Variants in SKOR2 observed in about 807,000 individuals in gnomAD.
SKOR2 encodes the protein SKI family transcriptional corepressor 2, also known as LBX1 corepressor 1-like protein.
A neutral mutation model predicts 69.1 loss-of-function variants in SKOR2; 47 were observed. That is an observed-to-expected ratio of 0.68 (90% CI 0.54 to 0.87). The LOEUF is 0.87. Among genes scored for constraint, SKOR2 ranks in the 40% least tolerant of loss-of-function variants. SKOR2 has a pLI of 0.00. For missense variants in SKOR2, 1,404 were observed against 1,472.2 expected, an observed-to-expected ratio of 0.95 and a Z score of 0.76; for synonymous variants, 717 against 672.6, an observed-to-expected ratio of 1.07 and a Z score of -1.02.
intron 6 of SKOR2, among the ~76,000 whole-genome samples, chr18:47,220,623 AGAG>A (rs2064158437): frequency 6.6e-6 from 1 of 152,204 alleles, no homozygotes; most frequent in South Asian, 2.1e-4. Context: ...TCTGAGAAGA[AGAG>A]AACTTTAAGA....
At chr18:47,221,516 C>T (rs1568084564) in intron 6 of SKOR2, among the ~76,000 whole-genome samples, 1 of 152,196 alleles carries the variant, frequency 6.6e-6, no homozygotes, top group Non-Finnish European at 1.5e-5. Context: ...CTCCAGTCCT[C>T]AACTATGCAT....
intron 6 of SKOR2, among the ~76,000 whole-genome samples, chr18:47,220,697 GA>G (rs1316846461): frequency 1.3e-5 from 2 of 152,082 alleles, no homozygotes; most frequent in Non-Finnish European, 2.9e-5. Context: ...TTGCATTAGG[GA>G]AAAAATGACT....
At chr18:47,223,469 C>T in intron 6 of SKOR2, among the ~76,000 whole-genome samples, 1 of 152,056 alleles carries the variant, frequency 6.6e-6, no homozygotes, top group East Asian at 1.9e-4. Context: ...AAGTTCATAC[C>T]CTTTAACACA....
intron 8 of SKOR2, among the ~76,000 whole-genome samples, chr18:47,210,478 C>G (rs961517993): frequency 1.3e-5 from 2 of 152,100 alleles, no homozygotes; most frequent in Non-Finnish European, 2.9e-5. Context: ...AATATTTTCT[C>G]TTGAAAGAAA....
At chr18:47,226,554 C>A (rs2064179447) in intron 6 of SKOR2, among the ~76,000 whole-genome samples, 1 of 152,138 alleles carries the variant, frequency 6.6e-6, no homozygotes, top group Non-Finnish European at 1.5e-5. Flanking sequence ...TCTGTTGTGT[C>A]CTACCCGGTT....
At chr18:47,220,661 G>T (rs1179586385) in intron 6 of SKOR2, among the ~76,000 whole-genome samples, 1 of 152,090 alleles carries the variant, frequency 6.6e-6, no homozygotes, top group Non-Finnish European at 1.5e-5. Flanking sequence ...AAATATTTTT[G>T]CTATTCTACA....
intron 4 of SKOR2, among the ~76,000 whole-genome samples, chr18:47,235,508 A>G (rs761691935): frequency 3.3e-5 from 5 of 152,160 alleles, no homozygotes; most frequent in Admixed American, 1.3e-4. Flanking sequence ...GCATCGTGCC[A>G]TATCAGGGAA....
intron 5 of SKOR2, 109 bp from the exon 6 acceptor site, chr18:47,230,666 A>G (rs1426755927): frequency 2.7e-6 from 2 of 740,066 alleles, no homozygotes; most frequent in East Asian, 2.9e-5. Flanking sequence ...ACCAGTTTAA[A>G]AAGTGTTGCA....
rs1303375736 is a variant in SKOR2, at chr18:47,246,679, C to CT, written c.2504_2505insA (p.Pro836AlafsTer37). The stretch of plus-strand genomic sequence containing the variant: ...GGGGGGCCAGGGGCGGCGGCGGGGG[C>CT]GGGGGCAGGTCCGAGCCGGGGTCCC... On this transcript the variant is annotated frameshift_variant, in exon 2 of 9. Coordinates refer to ENST00000425639, the MANE Select transcript of SKOR2 (RefSeq NM_001278063.4). LOFTEE classifies it high-confidence loss of function. 1 of 1,498,702 alleles carries CT rather than the reference C, an allele frequency of 6.7e-7. No individual in the cohort carries two copies. Among genetic ancestry groups the CT allele is most frequent in the South Asian group, 1.2e-5 (1 of 80,218 alleles). The allele number at this position is 1,498,702 out of a possible 1,614,324, so 92.8% of individuals were successfully genotyped here. A position where few individuals can be genotyped will look rare whatever the true frequency, so the allele number is the denominator to read the frequency against.
intron 4 of SKOR2, among the ~76,000 whole-genome samples, chr18:47,232,285 C>T (rs180803085): frequency 2.0e-5 from 3 of 152,252 alleles, no homozygotes; most frequent in East Asian, 1.9e-4. Flanking sequence ...AACTATATTG[C>T]GCATAAAGGT....
chr18:47,218,900 T>C lies in SKOR2; in HGVS notation c.2985+1043A>G, dbSNP rs576952786. Among the ~76,000 whole-genome samples, 12 of 152,238 alleles carry C rather than the reference T, an allele frequency of 7.9e-5. No homozygotes were observed. The South Asian group carries it at 2.3e-3, about 29-fold the overall frequency. On this transcript the variant is annotated intron_variant, in intron 7 of 8. Coordinates refer to ENST00000425639, the MANE Select transcript of SKOR2 (RefSeq NM_001278063.4). ...ATGTAGTGGTTTTCAGAACTGAGAG[T>C]TGTTAACGATCACTTGAGATCAAGG...
chr18:47,240,205 G>A (rs1054717245), intron 4 of SKOR2, among the ~76,000 whole-genome samples: 4 of 152,064 alleles, frequency 2.6e-5, no homozygotes, highest in South Asian at 2.1e-4. Context: ...TGGCACCAGC[G>A]TTTCTCCAGT....
At chr18:47,245,012 A>G in intron 3 of SKOR2, 30 bp from the exon 4 acceptor site, 1 of 1,526,088 alleles carries the variant, frequency 6.6e-7, no homozygotes, top group Non-Finnish European at 8.8e-7. Flanking sequence ...CAAAATCTGC[A>G]AGTGATCCAA....
intron 1 of SKOR2, 27 bp from the exon 2 acceptor site, chr18:47,249,257 C>T: frequency 6.8e-7 from 1 of 1,461,054 alleles, no homozygotes. Flanking sequence ...AAAGCGTTGA[C>T]TTGAGCCTTT....
In SKOR2 at chr18:47,230,496, G is replaced by A. The variant is rs1263287369; in HGVS notation, c.2880C>T (p.Phe960=). The A allele has an allele frequency of 2.1e-6, 3 of 1,449,796 alleles. No individual in the cohort carries two copies. The highest frequency in any genetic ancestry group is 3.0e-5 in the South Asian group (2 of 66,384). 89.8% of individuals were successfully genotyped at this position (1,449,796 alleles called of 1,614,324 possible). A position where few individuals can be genotyped will look rare whatever the true frequency, so the allele number is the denominator to read the frequency against. The stretch of plus-strand genomic sequence containing the variant: ...AAGATGTGTTTCCTTTTAACACCTG[G>A]AATTCTTGTTCCAGTCGTCTCCGTA... ...IDLRRRLEQE[F]QVLKGNTSFP... is the part of the protein sequence containing the mutation. Residue 960 remains phenylalanine (F), a synonymous_variant, in exon 6 of 9, where the codon TTC becomes TTT. Coordinates refer to ENST00000425639, the MANE Select transcript of SKOR2 (RefSeq NM_001278063.4).
At position 47,248,447 on chromosome 18, in the gene SKOR2, T is replaced by G; in HGVS notation, c.737A>C (p.Gln246Pro). The change falls in exon 2 of 9, where the codon CAG becomes CCG. Residue 246 changes from glutamine (Q) to proline (P), a missense_variant. By Grantham distance (76) the Gln-to-Pro change is moderately conservative. This residue lies in a region of SKOR2 where 1,266 missense variants were observed against 1,309.9 expected (regional missense o/e 0.97). Coordinates refer to ENST00000425639, the MANE Select transcript of SKOR2 (RefSeq NM_001278063.4). The surrounding 1 kb of genome is among the most constrained non-coding windows in gnomAD (Gnocchi z 6.4). ...NGGSRKRALP[Q>P]PGAHPACHPL... ...GTGGCAGGCGGGGTGCGCGCCCGGCTGGGGCAGTGCGCGCTTGCGGCTGCC... is the reference window on the plus strand; with the variant it reads ...GTGGCAGGCGGGGTGCGCGCCCGGCGGGGGCAGTGCGCGCTTGCGGCTGCC... 1 of 1,514,696 alleles carries G rather than the reference T, an allele frequency of 6.6e-7. No individual in the cohort carries two copies. Among genetic ancestry groups the G allele is most frequent in the Non-Finnish European group, 8.8e-7 (1 of 1,134,286 alleles). 93.8% of individuals were successfully genotyped at this position (1,514,696 alleles called of 1,614,324 possible).
chr18:47,213,196 T>C (rs1014137013), intron 7 of SKOR2, among the ~76,000 whole-genome samples: 4 of 151,938 alleles, frequency 2.6e-5, no homozygotes, highest in African/African-American at 9.7e-5. Flanking sequence ...GCTCTATCCT[T>C]ATGTTACCGA....
intron 6 of SKOR2, among the ~76,000 whole-genome samples, chr18:47,222,096 A>T (rs1512238): frequency 4.6e-5 from 7 of 152,044 alleles, no homozygotes; most frequent in Admixed American, 2.0e-4. Context: ...TGAAGCAGGA[A>T]AATTGCTTGA....
chr18:47,249,941 G>A (rs2064305492), intron 1 of SKOR2, among the ~76,000 whole-genome samples: 1 of 152,228 alleles, frequency 6.6e-6, no homozygotes, highest in Admixed American at 6.5e-5. Context: ...TTGCTGAACT[G>A]AGTGGTTCTG....
Sources: allele counts gnomAD v4.1 joint callset (sites outside exome capture counted in the v4.1 genomes callset), GRCh38; gene constraint gnomAD v4.1.1; regional missense constraint gnomAD v4.1.1; non-coding constraint Gnocchi (gnomAD v3.1); transcripts MANE v1.5; gene names NCBI Gene and HGNC (gene_info 2026-07-23, HGNC 2026-07-21).